NAALADL2: variants seen among roughly 807,000 people sequenced by gnomAD.
NAALADL2 encodes N-acetylated alpha-linked acidic dipeptidase like 2.
NAALADL2 carries 76 observed loss-of-function variants against 87.2 expected under a neutral mutation model. That is an observed-to-expected ratio of 0.87 (90% CI 0.72 to 1.05). NAALADL2 has a LOEUF of 1.05. Ranked by LOEUF, NAALADL2 falls within the 50% of genes least tolerant of loss-of-function variation. The probability of loss-of-function intolerance (pLI) is 0.00; values close to 1 mark genes in which losing one functional copy is unlikely to be tolerated. For missense variants in NAALADL2, 1,089 were observed against 945.8 expected (o/e 1.15, Z -1.99); for synonymous variants, 354 against 331.0 (o/e 1.07, Z -0.75).
At chr3:175,370,378 A>G (rs1011145278) in intron 5 of NAALADL2, among the ~76,000 whole-genome samples, 41 of 152,184 alleles carry the variant, frequency 2.7e-4, no homozygotes, top group Non-Finnish European at 7.3e-5. Flanking sequence ...TATAAAATAT[A>G]TTTGTGAACC....
chr3:175,570,119 C>T (rs1717823483), intron 9 of NAALADL2, among the ~76,000 whole-genome samples: 1 of 152,090 alleles, frequency 6.6e-6, no homozygotes, highest in South Asian at 2.1e-4. Context: ...GCTTGAGACT[C>T]TTAAAAAGCT....
chr3:174,882,216 C>T (rs149146149), intron 1 of NAALADL2, among the ~76,000 whole-genome samples: 6 of 152,058 alleles, frequency 3.9e-5, no homozygotes, highest in Admixed American at 1.3e-4. Flanking sequence ...ATCTCTGTGG[C>T]AGTTCCTTTA....
chr3:175,786,433 C>CA (rs1208081546), intron 13 of NAALADL2, among the ~76,000 whole-genome samples: 1 of 152,128 alleles, frequency 6.6e-6, no homozygotes, highest in Non-Finnish European at 1.5e-5. Context: ...CTTCCCTTCT[C>CA]CTTCATTTCA....
chr3:175,421,340 A>T (rs1226250872), intron 5 of NAALADL2, among the ~76,000 whole-genome samples: 1 of 152,024 alleles, frequency 6.6e-6, no homozygotes, highest in East Asian at 1.9e-4. Flanking sequence ...TCAAAATGTG[A>T]TTTCTCAGTC....
intron 2 of NAALADL2, among the ~76,000 whole-genome samples, chr3:174,626,538 C>T (rs1721595442): frequency 6.6e-6 from 1 of 151,888 alleles, no homozygotes; most frequent in Non-Finnish European, 1.5e-5. Context: ...GTCGGGTGTG[C>T]TCATTTTCCC....
chr3:175,131,442 C>G (rs1188203892), intron 2 of NAALADL2, among the ~76,000 whole-genome samples: 1 of 152,132 alleles, frequency 6.6e-6, no homozygotes, highest in Non-Finnish European at 1.5e-5. Flanking sequence ...GGACACAGCA[C>G]ATGTTTCAGA....
At chr3:174,930,690 CG>C (rs1346388385) in intron 1 of NAALADL2, among the ~76,000 whole-genome samples, 2 of 135,586 alleles carry the variant, frequency 1.5e-5, no homozygotes, top group Non-Finnish European at 3.0e-5. Flanking sequence ...GGCGCGATCT[CG>C]GCTCACTGCA....
rs976039132 is a variant in NAALADL2 at position 174,773,686 on chromosome 3, A to G, written c.-9+35940A>G. On this transcript the variant is annotated intron_variant, in intron 3 of 3. Coordinates refer to the NAALADL2 transcript ENST00000434257. ...GGGGAGAAACTAGCGGTAAGTGGGC[A>G]AGAGAAAGCTTTCCATCAACACTTA... 9.2e-5 allele frequency among the ~76,000 whole-genome samples: 14 copies of G among 152,268 alleles called. No homozygotes were observed. In the South Asian group the frequency reaches 1.7e-3, roughly 18 times the overall value.
At chr3:174,648,789 G>T (rs1320332916) in intron 2 of NAALADL2, among the ~76,000 whole-genome samples, 2 of 152,034 alleles carry the variant, frequency 1.3e-5, no homozygotes, top group Non-Finnish European at 2.9e-5. Flanking sequence ...TATATTAAAT[G>T]AATAATAAAG....
intron 10 of NAALADL2, among the ~76,000 whole-genome samples, chr3:175,593,970 A>G (rs1041429022): frequency 1.4e-5 from 2 of 138,888 alleles, no homozygotes; most frequent in African/African-American, 5.2e-5. Flanking sequence ...TTACTTGATC[A>G]TGTTGCTATT....
At chr3:175,787,577 CGGTG>C (rs1560014697) in intron 13 of NAALADL2, among the ~76,000 whole-genome samples, 4 of 152,222 alleles carry the variant, frequency 2.6e-5, no homozygotes, top group African/African-American at 4.8e-5. Context: ...GGCTCGCGCA[CGGTG>C]CGCGCACCCA....
chr3:175,005,590 G>A (rs1297543766), intron 1 of NAALADL2, among the ~76,000 whole-genome samples: 1 of 152,098 alleles, frequency 6.6e-6, no homozygotes, highest in Non-Finnish European at 1.5e-5. Context: ...CTACACAAAT[G>A]CAAAGTATAA....
At chr3:175,292,995 C>A (rs1357877784) in intron 4 of NAALADL2, among the ~76,000 whole-genome samples, 5 of 139,912 alleles carry the variant, frequency 3.6e-5, no homozygotes, top group Admixed American at 7.4e-5. Flanking sequence ...CGAGATAGCG[C>A]CACTGCACTC....
chr3:174,963,290 T>C (rs1742385491), intron 1 of NAALADL2, among the ~76,000 whole-genome samples: 1 of 152,146 alleles, frequency 6.6e-6, no homozygotes, highest in African/African-American at 2.4e-5. Context: ...GGTAAACTTT[T>C]ATAGGATTAC....
At chr3:175,641,907 C>G (rs1429122345) in intron 11 of NAALADL2, among the ~76,000 whole-genome samples, 1 of 152,066 alleles carries the variant, frequency 6.6e-6, no homozygotes, top group African/African-American at 2.4e-5. Flanking sequence ...CCAATACATA[C>G]CATTAAAAAT....
intron 1 of NAALADL2, among the ~76,000 whole-genome samples, chr3:174,462,299 T>A (rs1287049992): frequency 1.3e-5 from 2 of 152,090 alleles, no homozygotes; most frequent in Non-Finnish European, 2.9e-5. Context: ...ACAGCTTCAT[T>A]GTGTATAATG....
chr3:175,169,484 A>G (rs1296146759), intron 2 of NAALADL2, among the ~76,000 whole-genome samples: 1 of 142,554 alleles, frequency 7.0e-6, no homozygotes, highest in Non-Finnish European at 1.6e-5. Flanking sequence ...ATCTGTTGAC[A>G]TATACAAATG....
At chr3:175,169,214 C>A (rs1734426158) in intron 2 of NAALADL2, among the ~76,000 whole-genome samples, 1 of 151,602 alleles carries the variant, frequency 6.6e-6, no homozygotes, top group South Asian at 2.1e-4. Context: ...AAACATAAAT[C>A]TTTTTGTGGT....
intron 1 of NAALADL2, among the ~76,000 whole-genome samples, chr3:174,991,392 T>C (rs1746721478): frequency 6.6e-6 from 1 of 152,152 alleles, no homozygotes; most frequent in African/African-American, 2.4e-5. Context: ...TTTTCTCTAA[T>C]GATAGAAATC....
Sources: allele counts gnomAD v4.1 joint callset (sites outside exome capture counted in the v4.1 genomes callset), GRCh38; gene constraint gnomAD v4.1.1; transcripts MANE v1.5; gene names NCBI Gene and HGNC (gene_info 2026-07-23, HGNC 2026-07-21).